ASIC2: variants seen among roughly 807,000 people sequenced by gnomAD.
The protein encoded by ASIC2 is acid-sensing ion channel 2.
Under a neutral mutation model 57.3 loss-of-function variants are expected in ASIC2, and 25 were observed. The ratio of observed to expected loss-of-function variants is 0.44; its 90% CI spans 0.32 to 0.61. The LOEUF (loss-of-function observed/expected upper bound fraction) is 0.61. Among genes scored for constraint, ASIC2 ranks in the 20% least tolerant of loss-of-function variants. The probability of loss-of-function intolerance (pLI) is 0.06; values close to 1 mark genes in which losing one functional copy is unlikely to be tolerated. For missense variants in ASIC2, 641 were observed against 738.1 expected, an observed-to-expected ratio of 0.87 and a Z score of 1.52; for synonymous variants, 319 against 307.5, an observed-to-expected ratio of 1.04 and a Z score of -0.39.
intron 1 of ASIC2, among the ~76,000 whole-genome samples, chr17:33,661,924 G>A (rs1907280482): frequency 6.6e-6 from 1 of 152,084 alleles, no homozygotes; most frequent in Non-Finnish European, 1.5e-5. Context: ...GTCCCTGCCT[G>A]GTTAGACTTT....
intron 1 of ASIC2, among the ~76,000 whole-genome samples, chr17:33,602,146 T>C (rs1301081513): frequency 1.3e-5 from 2 of 152,228 alleles, no homozygotes; most frequent in African/African-American, 2.4e-5. Context: ...TTCGAGTTGA[T>C]GCTGGAATAA....
At chr17:33,855,686 G>A (rs1386846092) in intron 1 of ASIC2, among the ~76,000 whole-genome samples, 1 of 152,080 alleles carries the variant, frequency 6.6e-6, no homozygotes, top group Non-Finnish European at 1.5e-5. Context: ...GATGATGGGG[G>A]CAGGTTGAGG....
At chr17:34,111,051 C>G (rs553615892) in intron 1 of ASIC2, among the ~76,000 whole-genome samples, 43 of 152,108 alleles carry the variant, frequency 2.8e-4, no homozygotes, top group African/African-American at 1.0e-3. Context: ...TAGTGAAACT[C>G]TGTCTCTACT....
intron 1 of ASIC2, among the ~76,000 whole-genome samples, chr17:34,134,006 T>G (rs771511780): frequency 6.6e-6 from 1 of 152,166 alleles, no homozygotes; most frequent in Non-Finnish European, 1.5e-5. Flanking sequence ...TGAAAAACCC[T>G]GAGAGAAGGA....
rs796468433 is a variant in ASIC2, at chr17:33,151,205, GCACA to G, written c.709-39142_709-39139del. 2.7e-4 allele frequency among the ~76,000 whole-genome samples: 40 copies of G among 145,988 alleles called. 1 individual carries two copies. The highest frequency in any genetic ancestry group is 3.5e-3 in the Middle Eastern group (1 of 286). The stretch of plus-strand genomic sequence containing the variant: ...CGCACACACACACACACACACGCGC[GCACA>G]CACACACACACACAATTAGCCAGGT... On this transcript the variant is annotated intron_variant, in intron 1 of 9. Coordinates refer to ENST00000225823, the MANE Select transcript of ASIC2 (RefSeq NM_183377.2).
chr17:33,694,077 T>C (rs569508238), intron 1 of ASIC2, among the ~76,000 whole-genome samples: 28 of 152,324 alleles, frequency 1.8e-4, no homozygotes, highest in African/African-American at 6.5e-4. Context: ...GGAGTAGCTC[T>C]AAGATTTTTT....
chr17:33,768,671 T>C (rs1911006036), intron 1 of ASIC2, among the ~76,000 whole-genome samples: 1 of 152,178 alleles, frequency 6.6e-6, no homozygotes, highest in Non-Finnish European at 1.5e-5. Flanking sequence ...GAGTGAGAAC[T>C]TCTATTCCTA....
At chr17:33,708,333 T>G (rs1167360598) in intron 1 of ASIC2, among the ~76,000 whole-genome samples, 1 of 152,236 alleles carries the variant, frequency 6.6e-6, no homozygotes, top group African/African-American at 2.4e-5. Flanking sequence ...CAAAGTTAAA[T>G]TTTAGTTATC....
upstream of ASIC2, among the ~76,000 whole-genome samples, chr17:33,293,309 G>A (rs1262182807): frequency 1.3e-5 from 2 of 152,050 alleles, no homozygotes; most frequent in Non-Finnish European, 2.9e-5. Context: ...CGGGCGGGGC[G>A]GCGGCGGCCG....
intron 1 of ASIC2, among the ~76,000 whole-genome samples, chr17:33,233,990 T>G (rs998870424): frequency 1.1e-4 from 16 of 152,194 alleles, no homozygotes; most frequent in Non-Finnish European, 1.6e-4. Flanking sequence ...CTGTCAGTCC[T>G]CAGCATAAAT....
chr17:33,127,091 G>A (rs1038221962), intron 1 of ASIC2, among the ~76,000 whole-genome samples: 1 of 151,122 alleles, frequency 6.6e-6, no homozygotes, highest in African/African-American at 2.4e-5. Context: ...GGATGGTCTC[G>A]ATCTCCTGAC....
At chr17:33,023,479 G>C (rs2091846271) in intron 6 of ASIC2, among the ~76,000 whole-genome samples, 1 of 148,710 alleles carries the variant, frequency 6.7e-6, no homozygotes, top group South Asian at 2.1e-4. Context: ...AACAGGGCGA[G>C]GCTCCATCTC....
At chr17:33,751,325 G>T (rs559057199) in intron 1 of ASIC2, among the ~76,000 whole-genome samples, 2 of 152,294 alleles carry the variant, frequency 1.3e-5, no homozygotes, top group South Asian at 2.1e-4. Flanking sequence ...TAGTGGCACT[G>T]CCAGGAATTG....
chr17:34,136,621 G>A lies in ASIC2; in HGVS notation c.555+19357C>T, dbSNP rs138936369. ...CCTTTGAGATGTCCCATCTTTCTGG[G>A]CTGGACAAATGTGTTACTTACATTA... On this transcript the variant is annotated intron_variant, in intron 1 of 9. Coordinates refer to the ASIC2 transcript ENST00000359872. Among the ~76,000 whole-genome samples, 4 of 152,268 alleles carry A rather than the reference G, an allele frequency of 2.6e-5. No homozygotes were observed. In the East Asian group the frequency reaches 7.7e-4, roughly 29 times the overall value.
At chr17:33,312,510 T>C (rs941556064) in intron 1 of ASIC2, among the ~76,000 whole-genome samples, 3 of 152,114 alleles carry the variant, frequency 2.0e-5, no homozygotes, top group Non-Finnish European at 4.4e-5. Flanking sequence ...GCAGATCACT[T>C]AAGGTCCGCA....
At chr17:33,077,578 T>C (rs1056576086) in intron 3 of ASIC2, among the ~76,000 whole-genome samples, 1 of 152,128 alleles carries the variant, frequency 6.6e-6, no homozygotes, top group Non-Finnish European at 1.5e-5. Context: ...GAGTGAAAGA[T>C]CTCAGTAGGT....
upstream of ASIC2, among the ~76,000 whole-genome samples, chr17:33,295,759 T>C (rs2142188386): frequency 6.6e-6 from 1 of 152,344 alleles, no homozygotes; most frequent in South Asian, 2.1e-4. Flanking sequence ...CTTGAACAAC[T>C]ACTATACGCC....
At chr17:33,029,831 A>G (rs1438981394) in intron 3 of ASIC2, among the ~76,000 whole-genome samples, 1 of 152,212 alleles carries the variant, frequency 6.6e-6, no homozygotes, top group Non-Finnish European at 1.5e-5. Flanking sequence ...CCATTTTTGT[A>G]GGTGTATGGT....
intron 1 of ASIC2, among the ~76,000 whole-genome samples, chr17:34,129,305 C>CA (rs1474382391): frequency 6.6e-6 from 1 of 152,162 alleles, no homozygotes; most frequent in Non-Finnish European, 1.5e-5. Flanking sequence ...ATCCAAGCCC[C>CA]ACTCTGCCTC....
Sources: gnomAD v4.1 joint callset for allele counts (sites outside exome capture counted in the v4.1 genomes callset) on GRCh38, gnomAD v4.1.1 for gene constraint, MANE v1.5 for transcripts, NCBI Gene and HGNC (gene_info 2026-07-23, HGNC 2026-07-21) for gene names.